EML4: variants seen among roughly 807,000 people sequenced by gnomAD.
EML4 encodes EMAP like 4, also known as echinoderm microtubule-associated protein-like 4.
A neutral mutation model predicts 129.0 loss-of-function variants in EML4; 72 were observed. That is an observed-to-expected ratio of 0.56 (90% CI 0.46 to 0.68). The LOEUF is 0.68. EML4 is among the 30% of genes least tolerant of loss of function. The pLI is 0.00. For synonymous variants in EML4, 532 were observed against 405.0 expected, an observed-to-expected ratio of 1.31 and a Z score of -3.77; for missense variants, 1,363 against 1,190.6, an observed-to-expected ratio of 1.14 and a Z score of -2.13.
rs193147701 is a variant in EML4, at chr2:42,284,626, C to T, written c.942-8C>T. 5 of 1,604,914 alleles carry T rather than the reference C, an allele frequency of 3.1e-6. 1 individual carries two copies. In the South Asian group the frequency reaches 4.4e-5, roughly 14 times the overall value. ...GTGTTTAAAATCATTCTTAATACTG[C>T]TTTTTAGCCTTGCTATACATCCTGA... On this transcript the variant is annotated splice_polypyrimidine_tract_variant and splice_region_variant and intron_variant, in intron 8 of 22. Transcript: ENST00000318522.
chr2:42,191,022 T>C (rs943043344), intron 1 of EML4, among the ~76,000 whole-genome samples: 2 of 152,226 alleles, frequency 1.3e-5, no homozygotes, highest in Non-Finnish European at 2.9e-5. Context: ...TGTTTTATGG[T>C]TATAGTCATA....
At chr2:42,204,624 T>C (rs962804020) in intron 1 of EML4, among the ~76,000 whole-genome samples, 3 of 152,214 alleles carry the variant, frequency 2.0e-5, no homozygotes, top group Admixed American at 6.5e-5. Flanking sequence ...TTTAAAAATG[T>C]AAAAAATCAT....
rs112433854 is a variant in EML4, at chr2:42,218,740, G to A, written c.26-26765G>A. ...GTACAAGAGTCCTCCTTTAAGTACT[G>A]AAGATGCTTTACTTTGACCACAAGA... On this transcript the variant is annotated intron_variant, in intron 1 of 22. Transcript: ENST00000318522. Among the ~76,000 whole-genome samples, 488 of 152,332 alleles carry A rather than the reference G, an allele frequency of 3.2e-3. 1 individual carries two copies. Among genetic ancestry groups the A allele is most frequent in the Middle Eastern group, 6.8e-3 (2 of 294 alleles).
At chr2:42,235,884 A>T (rs1229680088) in intron 1 of EML4, among the ~76,000 whole-genome samples, 1 of 152,170 alleles carries the variant, frequency 6.6e-6, no homozygotes, top group Non-Finnish European at 1.5e-5. Flanking sequence ...CAAAAAATGG[A>T]TTCATTGTTC....
At chr2:42,257,021 G>A (rs1676196590) in intron 3 of EML4, among the ~76,000 whole-genome samples, 1 of 152,184 alleles carries the variant, frequency 6.6e-6, no homozygotes, top group Non-Finnish European at 1.5e-5. Flanking sequence ...ATCTATGTTA[G>A]TGGGAGGTCA....
intron 19 of EML4, among the ~76,000 whole-genome samples, chr2:42,324,225 G>A (rs1475719570): frequency 6.6e-6 from 1 of 152,184 alleles, no homozygotes; most frequent in Non-Finnish European, 1.5e-5. Context: ...AACCTGAGAG[G>A]TGGAGATTGC....
intron 1 of EML4, among the ~76,000 whole-genome samples, chr2:42,244,162 G>C (rs531711857): frequency 6.7e-6 from 1 of 148,368 alleles, no homozygotes; most frequent in South Asian, 2.2e-4. Flanking sequence ...GCAGTGGCGT[G>C]ATCTCGGCTC....
intron 1 of EML4, among the ~76,000 whole-genome samples, chr2:42,200,547 A>G (rs1672167207): frequency 6.6e-6 from 1 of 152,328 alleles, no homozygotes; most frequent in East Asian, 1.9e-4. Context: ...TTTGCTGGTC[A>G]TTGAGATCAA....
intron 19 of EML4, among the ~76,000 whole-genome samples, chr2:42,324,585 C>T (rs890064841): frequency 2.0e-5 from 3 of 152,176 alleles, no homozygotes; most frequent in African/African-American, 2.4e-5. Context: ...CACCATTGTA[C>T]TCCAGCCTTG....
chr2:42,250,315 C>G (rs1044811001), intron 2 of EML4, among the ~76,000 whole-genome samples: 1 of 152,128 alleles, frequency 6.6e-6, no homozygotes. Flanking sequence ...CTGGGATACT[C>G]TAAAGGCACA....
chr2:42,242,228 T>A (rs1177424226), intron 1 of EML4, among the ~76,000 whole-genome samples: 1 of 152,208 alleles, frequency 6.6e-6, no homozygotes, highest in Non-Finnish European at 1.5e-5. Flanking sequence ...ACAAAAATCA[T>A]ATAAGCATTT....
chr2:42,275,422 AT>A (rs1332550547), intron 6 of EML4, among the ~76,000 whole-genome samples: 1 of 152,198 alleles, frequency 6.6e-6, no homozygotes, highest in African/African-American at 2.4e-5. Context: ...AAGTAATAGA[AT>A]TTTGGAACAA....
intron 6 of EML4, among the ~76,000 whole-genome samples, chr2:42,266,032 CA>C (rs1666044849): frequency 6.6e-6 from 1 of 152,194 alleles, no homozygotes; most frequent in Non-Finnish European, 1.5e-5. Context: ...TTCTATGTTT[CA>C]TAGTTAGCCT....
intron 2 of EML4, among the ~76,000 whole-genome samples, chr2:42,251,839 AATT>A (rs746767402): frequency 2.0e-5 from 3 of 152,156 alleles, no homozygotes; most frequent in African/African-American, 4.8e-5. Context: ...CACATTTTGG[AATT>A]ATTTTAAATT....
chr2:42,280,755 T>G lies in EML4; in HGVS notation c.668-95T>G, dbSNP rs562141518. The G allele has an allele frequency of 7.5e-6, 7 of 928,408 alleles. No individual in the cohort carries two copies. In the African/African-American group the frequency reaches 8.4e-5, roughly 11 times the overall value. The allele number at this position is 928,408 out of a possible 1,614,324, so 57.5% of individuals were successfully genotyped here. On this transcript the variant is annotated intron_variant, in intron 6 of 22. Coordinates refer to ENST00000318522, the MANE Select transcript of EML4 (RefSeq NM_019063.5). ...AGACTAAAACTTTGAAGTAGTCATTTTTGTCTTGTTTTTATTGTATCACGT... is the reference window on the plus strand; with the variant it reads ...AGACTAAAACTTTGAAGTAGTCATTGTTGTCTTGTTTTTATTGTATCACGT...
rs9309080 is a variant in EML4, at chr2:42,264,103, G to GTTTTTTTTTTTTTTTTTTTTTTTTTTT, written c.642-577_642-576insTTTTTTTTTTTTTTTTTTTTTTTTTTT. ...AAGGCTCCCAACTCAAACAATACGT[G>GTTTTTTTTTTTTTTTTTTTTTTTTTTT]TTTTTTTTTTTTTTTTTTTTTTTTT... On this transcript the variant is annotated intron_variant, in intron 5 of 22. Coordinates refer to ENST00000318522, the MANE Select transcript of EML4 (RefSeq NM_019063.5). 5.0e-5 allele frequency among the ~76,000 whole-genome samples: 5 copies of GTTTTTTTTTTTTTTTTTTTTTTTTTTT among 100,748 alleles called. 1 individual carries two copies. Among genetic ancestry groups the GTTTTTTTTTTTTTTTTTTTTTTTTTTT allele is most frequent in the Non-Finnish European group, 2.0e-5 (1 of 51,220 alleles). 66.1% of individuals were successfully genotyped at this position (100,748 alleles called of 152,430 possible).
intron 3 of EML4, among the ~76,000 whole-genome samples, chr2:42,260,872 A>AC (rs1214259543): frequency 4.6e-5 from 7 of 152,226 alleles, no homozygotes; most frequent in Non-Finnish European, 8.8e-5. Context: ...TTTATTAGAG[A>AC]CCATTTCTGT....
At chr2:42,195,796 C>G (rs1401514364) in intron 1 of EML4, among the ~76,000 whole-genome samples, 1 of 152,160 alleles carries the variant, frequency 6.6e-6, no homozygotes, top group Non-Finnish European at 1.5e-5. Context: ...TACAGGAAGC[C>G]TGGATGGAAA....
At chr2:42,256,740 A>G (rs1676179453) in intron 3 of EML4, 110 bp downstream of exon 3, 5 of 1,333,436 alleles carry the variant, frequency 3.7e-6, no homozygotes, top group Non-Finnish European at 5.2e-6. Flanking sequence ...TCAAGTGAGC[A>G]TGTCCTTTGA....
Sources: gnomAD v4.1 joint callset for allele counts (sites outside exome capture counted in the v4.1 genomes callset) on GRCh38, gnomAD v4.1.1 for gene constraint, MANE v1.5 for transcripts, NCBI Gene and HGNC (gene_info 2026-07-23, HGNC 2026-07-21) for gene names.